BACH2: variants seen among roughly 807,000 people sequenced by gnomAD.
BACH2 encodes the protein transcription regulator protein BACH2.
In BACH2, 5 loss-of-function variants were observed where a neutral mutation model predicts 61.8. That is an observed-to-expected ratio of 0.08 (90% CI 0.04 to 0.17). The LOEUF (loss-of-function observed/expected upper bound fraction) is 0.17, where lower values mean the gene tolerates loss of function less well. Ranked by LOEUF, BACH2 falls within the 10% of genes least tolerant of loss-of-function variation. BACH2 has a pLI of 1.00. For synonymous variants in BACH2, 446 were observed against 440.1 expected, an observed-to-expected ratio of 1.01 and a Z score of -0.17; for missense variants, 824 against 1,091.1, an observed-to-expected ratio of 0.76 and a Z score of 3.45.
intron 4 of BACH2, among the ~76,000 whole-genome samples, chr6:90,107,200 C>T (rs989413950): frequency 3.9e-5 from 6 of 151,968 alleles, no homozygotes; most frequent in African/African-American, 1.5e-4. Flanking sequence ...CATGAAACCC[C>T]GTCTCTACTA....
At chr6:90,001,702 TTTTGA>T (rs1011867744) in intron 6 of BACH2, among the ~76,000 whole-genome samples, 6 of 152,150 alleles carry the variant, frequency 3.9e-5, no homozygotes, top group African/African-American at 1.4e-4. Context: ...TTATACCTAC[TTTTGA>T]CTGCCTTGGA....
chr6:90,117,890 A>C (rs1241184934), intron 4 of BACH2, among the ~76,000 whole-genome samples: 3 of 152,284 alleles, frequency 2.0e-5, no homozygotes, highest in Non-Finnish European at 4.4e-5. Flanking sequence ...AATAAACTTT[A>C]CCTTACCTAA....
chr6:90,138,755 T>C (rs1357871084), intron 4 of BACH2, among the ~76,000 whole-genome samples: 1 of 152,188 alleles, frequency 6.6e-6, no homozygotes, highest in Non-Finnish European at 1.5e-5. Context: ...CTCTACCGAT[T>C]TCTTGCCACT....
intron 4 of BACH2, among the ~76,000 whole-genome samples, chr6:90,132,566 T>C (rs1021719834): frequency 1.3e-5 from 2 of 152,170 alleles, no homozygotes; most frequent in African/African-American, 2.4e-5. Context: ...CCAGAGTCCA[T>C]CTCTGTCTCT....
At chr6:90,155,938 T>G (rs1019338239) in intron 4 of BACH2, among the ~76,000 whole-genome samples, 1 of 152,154 alleles carries the variant, frequency 6.6e-6, no homozygotes, top group African/African-American at 2.4e-5. Context: ...TTGCATAAAG[T>G]CCTATTCTCA....
chr6:90,259,837 C>A (rs1049933415), intron 2 of BACH2, among the ~76,000 whole-genome samples: 1 of 152,094 alleles, frequency 6.6e-6, no homozygotes, highest in Non-Finnish European at 1.5e-5. Context: ...CTCTAGGCCA[C>A]CCAATTTGTT....
intron 3 of BACH2, among the ~76,000 whole-genome samples, chr6:90,240,086 A>G (rs1770394248): frequency 1.3e-5 from 2 of 152,198 alleles, no homozygotes; most frequent in African/African-American, 4.8e-5. Flanking sequence ...TGAATTAAGC[A>G]TTAAAAAAAT....
intron 6 of BACH2, among the ~76,000 whole-genome samples, chr6:89,953,731 T>C (rs1312620979): frequency 6.6e-5 from 10 of 152,222 alleles, no homozygotes; most frequent in African/African-American, 1.2e-4. Flanking sequence ...CCTAACATAC[T>C]ACTACTGTGT....
At chr6:90,131,538 T>C (rs1254752849) in intron 4 of BACH2, among the ~76,000 whole-genome samples, 1 of 152,188 alleles carries the variant, frequency 6.6e-6, no homozygotes, top group Non-Finnish European at 1.5e-5. Context: ...AGCCTCTGAA[T>C]AGATAGGCAA....
At chr6:90,029,164 C>T (rs1562381840) in intron 5 of BACH2, among the ~76,000 whole-genome samples, 1 of 152,170 alleles carries the variant, frequency 6.6e-6, no homozygotes, top group Non-Finnish European at 1.5e-5. Context: ...TCTCTAACTG[C>T]ATAGATTTAG....
chr6:90,186,202 C>T (rs1315824300), intron 4 of BACH2, among the ~76,000 whole-genome samples: 1 of 152,136 alleles, frequency 6.6e-6, no homozygotes, highest in Non-Finnish European at 1.5e-5. Flanking sequence ...GGACTCGCCA[C>T]TGACTCAGAC....
rs556212652 is a variant in BACH2, at chr6:90,267,213, AC to A, written c.-353+4635del. ...ATAAACCCCAACCACTGAGTGTACC[AC>A]AGACAGAAAACTTGGTACACAAAAG... On this transcript the variant is annotated intron_variant, in intron 2 of 8. Transcript: ENST00000257749. Among the ~76,000 whole-genome samples, 284 of 152,276 alleles carry A rather than the reference AC, an allele frequency of 1.9e-3. 3 individuals are homozygous for A. Among genetic ancestry groups the A allele is most frequent in the African/African-American group, 6.6e-3 (276 of 41,540 alleles).
intron 6 of BACH2, among the ~76,000 whole-genome samples, chr6:90,000,760 G>A (rs1481146783): frequency 2.0e-5 from 3 of 152,200 alleles, no homozygotes; most frequent in South Asian, 4.1e-4. Flanking sequence ...TAGCCCAGAA[G>A]TCTCTTTCCG....
chr6:90,214,646 C>T (rs1769467909), intron 3 of BACH2, among the ~76,000 whole-genome samples: 1 of 151,818 alleles, frequency 6.6e-6, no homozygotes, highest in African/African-American at 2.4e-5. Flanking sequence ...GGTTATATGC[C>T]TTGTTCCTCT....
At chr6:90,018,491 T>A (rs1265390102) in intron 5 of BACH2, among the ~76,000 whole-genome samples, 1 of 152,216 alleles carries the variant, frequency 6.6e-6, no homozygotes, top group East Asian at 1.9e-4. Context: ...GTCTTAAAAA[T>A]CATTATTTCA....
At chr6:90,278,978 G>A (rs149573970) in intron 1 of BACH2, among the ~76,000 whole-genome samples, 2 of 152,174 alleles carry the variant, frequency 1.3e-5, no homozygotes, top group African/African-American at 4.8e-5. Flanking sequence ...ATTTCAACAT[G>A]TAATCAACAT....
chr6:90,275,373 C>T lies in BACH2; in HGVS notation c.-445-3432G>A, dbSNP rs147462599. ...CCCCTACCTCCCCCTACCTGGGATG[C>T]TCTCATTTTACATTTAATTTGGAAA... On this transcript the variant is annotated intron_variant, in intron 1 of 8. Transcript: ENST00000257749. Among the ~76,000 whole-genome samples, 521 of 152,252 alleles carry T rather than the reference C, an allele frequency of 3.4e-3. 5 individuals carry two copies. The highest frequency in any genetic ancestry group is 0.012 in the African/African-American group (502 of 41,542).
At chr6:89,982,631 T>C (rs932816921) in intron 6 of BACH2, among the ~76,000 whole-genome samples, 10 of 152,196 alleles carry the variant, frequency 6.6e-5, no homozygotes, top group African/African-American at 2.4e-4. Context: ...CTCCAGCTTG[T>C]GTGTACCATA....
chr6:89,975,552 T>C (rs572416918), intron 6 of BACH2, among the ~76,000 whole-genome samples: 5 of 152,342 alleles, frequency 3.3e-5, no homozygotes, highest in African/African-American at 9.6e-5. Flanking sequence ...AGGTACTCAA[T>C]AAAGTTGGTT....
Sources: allele counts gnomAD v4.1 joint callset (sites outside exome capture counted in the v4.1 genomes callset), GRCh38; gene constraint gnomAD v4.1.1; transcripts MANE v1.5; gene names NCBI Gene and HGNC (gene_info 2026-07-23, HGNC 2026-07-21).